RBFOX1: variants seen among roughly 807,000 people sequenced by gnomAD.
The protein encoded by RBFOX1 is RNA binding fox-1 homolog 1.
RBFOX1 carries 8 observed loss-of-function variants against 57.7 expected under a neutral mutation model. The observed-to-expected ratio is 0.14, with a 90% CI of 0.08 to 0.25. The LOEUF (loss-of-function observed/expected upper bound fraction) is 0.25. RBFOX1 is among the 10% of genes least tolerant of loss of function. The pLI is 1.00. For synonymous variants in RBFOX1, 326 were observed against 222.4 expected (o/e 1.47, Z -4.15); for missense variants, 611 against 548.5 (o/e 1.11, Z -1.14).
At chr16:5,698,041 G>A (rs766226611) in intron 3 of RBFOX1, among the ~76,000 whole-genome samples, 1 of 152,096 alleles carries the variant, frequency 6.6e-6, no homozygotes, top group African/African-American at 2.4e-5. Flanking sequence ...TACCTTAATA[G>A]GAGTTCTGGT....
intron 14 of RBFOX1, among the ~76,000 whole-genome samples, chr16:7,708,355 A>G (rs1231530845): frequency 5.9e-5 from 9 of 152,336 alleles, no homozygotes; most frequent in African/African-American, 1.9e-4. Context: ...GGCAGGTAGT[A>G]GGATGGTAGA....
chr16:7,109,548 C>T (rs8063485), intron 4 of RBFOX1, among the ~76,000 whole-genome samples: 2,645 of 152,172 alleles, frequency 0.017, 81 homozygotes, highest in African/African-American at 0.061. Context: ...AGGGAGGTCT[C>T]TGCAGTTGGA....
chr16:6,180,181 T>C (rs768114848), intron 1 of RBFOX1, among the ~76,000 whole-genome samples: 19 of 152,190 alleles, frequency 1.2e-4, no homozygotes, highest in Non-Finnish European at 1.3e-4. Flanking sequence ...TTTTGGAAGG[T>C]ATTTCGAGGT....
chr16:7,529,228 T>C (rs1416524805), intron 5 of RBFOX1, among the ~76,000 whole-genome samples: 1 of 152,058 alleles, frequency 6.6e-6, no homozygotes, highest in Non-Finnish European at 1.5e-5. Flanking sequence ...GCCACCACAC[T>C]CCACCCTGAG....
At chr16:7,693,545 G>A (rs59466668) in intron 14 of RBFOX1, among the ~76,000 whole-genome samples, 3,430 of 150,724 alleles carry the variant, frequency 0.023, 136 homozygotes, top group African/African-American at 0.075. Context: ...CATATAAGAC[G>A]ACATTAGGCA....
At chr16:6,191,816 T>G (rs2097143626) in intron 1 of RBFOX1, among the ~76,000 whole-genome samples, 1 of 152,156 alleles carries the variant, frequency 6.6e-6, no homozygotes, top group Admixed American at 6.5e-5. Flanking sequence ...AATGCAGGTA[T>G]CGAGACTTGA....
At chr16:7,091,032 A>G (rs1034023419) in intron 4 of RBFOX1, among the ~76,000 whole-genome samples, 1 of 152,202 alleles carries the variant, frequency 6.6e-6, no homozygotes, top group Middle Eastern at 3.2e-3. Flanking sequence ...CACAAACAGG[A>G]TACAAATTCC....
intron 1 of RBFOX1, among the ~76,000 whole-genome samples, chr16:6,275,463 A>C (rs549014614): frequency 3.9e-5 from 6 of 152,184 alleles, no homozygotes; most frequent in Non-Finnish European, 2.9e-5. Context: ...TTCGCATCTC[A>C]TAACTACCCC....
chr16:5,390,581 G>A (rs1017485892), intron 1 of RBFOX1, among the ~76,000 whole-genome samples: 2 of 152,196 alleles, frequency 1.3e-5, no homozygotes, highest in South Asian at 2.1e-4. Context: ...GAGCCACCAC[G>A]CCTGGCCTCA....
chr16:6,598,147 C>G (rs567959697), intron 2 of RBFOX1, among the ~76,000 whole-genome samples: 2 of 152,332 alleles, frequency 1.3e-5, no homozygotes, highest in Admixed American at 6.5e-5. Flanking sequence ...CGTGTCTTCA[C>G]ACACACATCT....
chr16:5,349,713 A>G (rs907994674), intron 1 of RBFOX1, among the ~76,000 whole-genome samples: 1 of 152,096 alleles, frequency 6.6e-6, no homozygotes, highest in African/African-American at 2.4e-5. Context: ...ATTTCATTTT[A>G]CCTGTTCTTA....
At chr16:6,059,520 A>T (rs1193307841) in intron 1 of RBFOX1, among the ~76,000 whole-genome samples, 1 of 152,150 alleles carries the variant, frequency 6.6e-6, no homozygotes, top group African/African-American at 2.4e-5. Flanking sequence ...ATTTAAATGT[A>T]TTTTTAAGTG....
chr16:5,266,629 C>T (rs1455281230), intron 1 of RBFOX1, among the ~76,000 whole-genome samples: 2 of 150,160 alleles, frequency 1.3e-5, no homozygotes, highest in Non-Finnish European at 2.9e-5. Context: ...CTCACTGCAG[C>T]CTCTGTCTCC....
intron 2 of RBFOX1, among the ~76,000 whole-genome samples, chr16:6,497,496 C>T (rs1024805193): frequency 6.6e-6 from 1 of 151,718 alleles, no homozygotes; most frequent in Non-Finnish European, 1.5e-5. Flanking sequence ...CAAAATGCCG[C>T]AATGGAGCAA....
intron 1 of RBFOX1, among the ~76,000 whole-genome samples, chr16:5,396,650 A>G (rs1370944163): frequency 1.3e-5 from 2 of 152,154 alleles, no homozygotes; most frequent in Non-Finnish European, 2.9e-5. Context: ...TCGAAGAAAA[A>G]GAAAAAGATG....
In RBFOX1 at chr16:5,443,099, C is replaced by T. The variant is rs114516930; in HGVS notation, c.220-24117C>T. On this transcript the variant is annotated intron_variant, in intron 1 of 2. Transcript: ENST00000585867. Reference sequence around the variant, plus strand: ...ATTTGGAGGGAGGGTAGCCTGCTGACACCTTTATTGTGGACTTCTAGCCTC... The same window carrying T: ...ATTTGGAGGGAGGGTAGCCTGCTGATACCTTTATTGTGGACTTCTAGCCTC... Among the ~76,000 whole-genome samples, 411 of 152,252 alleles carry T rather than the reference C, an allele frequency of 2.7e-3. 2 individuals are homozygous for T. The highest frequency in any genetic ancestry group is 9.5e-3 in the African/African-American group (396 of 41,550).
At chr16:6,376,445 G>C (rs578005134) in intron 2 of RBFOX1, among the ~76,000 whole-genome samples, 1 of 152,298 alleles carries the variant, frequency 6.6e-6, no homozygotes, top group African/African-American at 2.4e-5. Context: ...CCCTCTGAAG[G>C]CATTAAGGGT....
At position 7,361,920 on chromosome 16, in the gene RBFOX1, ATG is replaced by A. The variant is rs201029617; in HGVS notation, c.28-156221_28-156220del. ...TGTATTTTTTTGTGTTAGTTTGCAT[ATG>A]TGTGTTAGTGTGTATGTGTGTGCAT... On this transcript the variant is annotated intron_variant, in intron 4 of 15. Transcript: ENST00000550418. Among the ~76,000 whole-genome samples, 1,128 of 148,086 alleles carry A rather than the reference ATG, an allele frequency of 7.6e-3. 16 individuals are homozygous for A. Among genetic ancestry groups the A allele is most frequent in the African/African-American group, 0.027 (1,068 of 40,144 alleles).
intron 2 of RBFOX1, among the ~76,000 whole-genome samples, chr16:6,588,297 A>T (rs754918015): frequency 4.6e-5 from 7 of 151,842 alleles, no homozygotes; most frequent in Admixed American, 4.6e-4. Flanking sequence ...TTTAATGTAG[A>T]TACTAACTGG....
Sources: gnomAD v4.1 joint callset for allele counts (sites outside exome capture counted in the v4.1 genomes callset) on GRCh38, gnomAD v4.1.1 for gene constraint, MANE v1.5 for transcripts, NCBI Gene and HGNC (gene_info 2026-07-23, HGNC 2026-07-21) for gene names.